LAMC1: variants seen among roughly 807,000 people sequenced by gnomAD.
The protein encoded by LAMC1 is laminin subunit gamma 1.
LAMC1 carries 38 observed loss-of-function variants against 173.6 expected under a neutral mutation model. The ratio of observed to expected loss-of-function variants is 0.22; its 90% CI spans 0.17 to 0.29. LAMC1 has a LOEUF of 0.29. Among genes scored for constraint, LAMC1 ranks in the 10% least tolerant of loss-of-function variants. The pLI is 1.00. For synonymous variants in LAMC1, 746 were observed against 749.1 expected (o/e 1.00, Z 0.07); for missense variants, 1,824 against 2,051.8 (o/e 0.89, Z 2.14).
intron 1 of LAMC1, among the ~76,000 whole-genome samples, chr1:183,024,730 A>G (rs901799320): frequency 2.0e-5 from 3 of 152,228 alleles, no homozygotes; most frequent in African/African-American, 7.2e-5. Context: ...CCACAAAGCG[A>G]TTTGACTGCT....
Position 183,057,488 on chromosome 1 carries a change from C to T in LAMC1, c.418+33354C>T, listed in dbSNP as rs10797827. On this transcript the variant is annotated intron_variant, in intron 1 of 27. Transcript: ENST00000258341. ...TAAAAGTTTGACAGCTGGCCGGGTG[C>T]CGTGGCTTACGCCTGTAATCTCCGC... 2.2e-3 allele frequency among the ~76,000 whole-genome samples: 334 copies of T among 152,300 alleles called. 8 individuals are homozygous for T. The East Asian group carries it at 0.05, about 23-fold the overall frequency.
chr1:183,082,572 A>C (rs946243630), intron 1 of LAMC1, among the ~76,000 whole-genome samples: 1 of 152,176 alleles, frequency 6.6e-6, no homozygotes, highest in Non-Finnish European at 1.5e-5. Context: ...GGGCTTCCCA[A>C]TGTTTTCCCA....
intron 5 of LAMC1, 36 bp downstream of exon 5, chr1:183,114,755 A>G (rs751209720): frequency 6.3e-7 from 1 of 1,595,282 alleles, no homozygotes; most frequent in South Asian, 1.1e-5. Context: ...AGACAAAATG[A>G]TAGTTCCGTG....
chr1:183,114,600 G>C lies in LAMC1; in HGVS notation c.1091G>C (p.Gly364Ala). ...DPELYRSTGH[G>A]GHCTNCQDNT... ...GAACTCTATCGTTCCACTGGCCATGGGGGCCACTGTACCAACTGCCAGGAT... is the reference window on the plus strand; with the variant it reads ...GAACTCTATCGTTCCACTGGCCATGCGGGCCACTGTACCAACTGCCAGGAT... Residue 364 changes from glycine (G) to alanine (A), a missense_variant, in exon 5 of 28, where the codon GGG becomes GCG. Transcript: ENST00000258341. The C allele has an allele frequency of 6.2e-7, 1 of 1,614,136 alleles. No homozygotes were observed. The highest frequency in any genetic ancestry group is 1.1e-5 in the South Asian group (1 of 91,070).
intron 1 of LAMC1, among the ~76,000 whole-genome samples, chr1:183,078,097 A>G (rs963422639): frequency 3.9e-5 from 6 of 152,152 alleles, no homozygotes; most frequent in African/African-American, 1.2e-4. Context: ...GAATTTTATT[A>G]TATTTGATAT....
At chr1:183,107,804 A>C (rs970491750) in intron 2 of LAMC1, among the ~76,000 whole-genome samples, 2 of 152,062 alleles carry the variant, frequency 1.3e-5, no homozygotes, top group East Asian at 1.9e-4. Flanking sequence ...CACTCCAGCC[A>C]GGGCGACAGA....
chr1:183,037,489 T>C (rs1000797170), intron 1 of LAMC1, among the ~76,000 whole-genome samples: 1 of 152,242 alleles, frequency 6.6e-6, no homozygotes, highest in Non-Finnish European at 1.5e-5. Context: ...GCTAACTGAA[T>C]AGGTCTAACC....
chr1:183,057,002 C>G (rs574631718), intron 1 of LAMC1, among the ~76,000 whole-genome samples: 3 of 152,178 alleles, frequency 2.0e-5, no homozygotes, highest in Admixed American at 2.0e-4. Context: ...CTAAGCATCT[C>G]CTGTGTGCAA....
chr1:183,120,812 TGA>T (rs375730949), intron 11 of LAMC1, among the ~76,000 whole-genome samples: 2 of 151,596 alleles, frequency 1.3e-5, no homozygotes, highest in African/African-American at 4.8e-5. Context: ...GAACTTTACT[TGA>T]GAGTTTTTGT....
At chr1:183,046,599 A>G (rs1468804340) in intron 1 of LAMC1, among the ~76,000 whole-genome samples, 1 of 152,016 alleles carries the variant, frequency 6.6e-6, no homozygotes, top group African/African-American at 2.4e-5. Flanking sequence ...TCTGAATTAC[A>G]CTTTCTAACT....
intron 13 of LAMC1, among the ~76,000 whole-genome samples, chr1:183,123,391 C>T (rs1656535008): frequency 6.6e-6 from 1 of 152,200 alleles, no homozygotes; most frequent in African/African-American, 2.4e-5. Context: ...ATGGTCCTTT[C>T]AAAATGTACC....
chr1:183,140,790 G>T, intron 27 of LAMC1: 1 of 197,566 alleles, frequency 5.1e-6, no homozygotes. Flanking sequence ...TTTAGGCTGT[G>T]TTAATGTGAC....
chr1:183,052,999 T>C (rs755736009), intron 1 of LAMC1, among the ~76,000 whole-genome samples: 3 of 152,192 alleles, frequency 2.0e-5, no homozygotes, highest in Non-Finnish European at 4.4e-5. Context: ...AGGGAAGAGA[T>C]GTAAACAACG....
At position 183,145,057 on chromosome 1, in the gene LAMC1, T is replaced by C. The variant is rs945933471; in HGVS notation, c.*2267T>C. On this transcript the variant is annotated 3_prime_UTR_variant, in exon 28 of 28. Coordinates refer to ENST00000258341, the MANE Select transcript of LAMC1 (RefSeq NM_002293.4). ...CATTAAGTGGCTACATCCTAACATA[T>C]GCATTTGGTCAAGGTTGCAGAAGAG... 1 of 152,150 alleles carries C rather than the reference T, an allele frequency of 6.6e-6. No homozygotes were observed. The highest frequency in any genetic ancestry group is 1.5e-5 in the Non-Finnish European group (1 of 68,034). The allele number at this position is 152,150 out of a possible 1,614,324, so 9.4% of individuals were successfully genotyped here. A position where few individuals can be genotyped will look rare whatever the true frequency, so the allele number is the denominator to read the frequency against.
intron 1 of LAMC1, among the ~76,000 whole-genome samples, chr1:183,033,136 A>C (rs1653887100): frequency 6.6e-6 from 1 of 152,364 alleles, no homozygotes; most frequent in Non-Finnish European, 1.5e-5. Context: ...GTGAGGCTTC[A>C]TCATCTAAAA....
chr1:183,104,127 T>C (rs964308431), intron 2 of LAMC1, among the ~76,000 whole-genome samples: 9 of 152,168 alleles, frequency 5.9e-5, no homozygotes, highest in African/African-American at 2.2e-4. Flanking sequence ...AAAATTTTGA[T>C]TAGATTTGTC....
At chr1:183,120,250 G>A (rs1462509046) in intron 11 of LAMC1, among the ~76,000 whole-genome samples, 1 of 150,338 alleles carries the variant, frequency 6.7e-6, no homozygotes, top group Non-Finnish European at 1.5e-5. Context: ...ATTTGAAGTT[G>A]AGTAAGTAAA....
At chr1:183,070,769 T>C (rs1003596250) in intron 1 of LAMC1, among the ~76,000 whole-genome samples, 1 of 152,176 alleles carries the variant, frequency 6.6e-6, no homozygotes. Flanking sequence ...CCCCTTGTAA[T>C]GTCAACCTCG....
intron 1 of LAMC1, among the ~76,000 whole-genome samples, chr1:183,069,670 A>G (rs1654960025): frequency 6.6e-6 from 1 of 152,206 alleles, no homozygotes; most frequent in Non-Finnish European, 1.5e-5. Context: ...TCAGTCCCCC[A>G]ACTTAAAGAA....
Sources: allele counts gnomAD v4.1 joint callset (sites outside exome capture counted in the v4.1 genomes callset), GRCh38; gene constraint gnomAD v4.1.1; transcripts MANE v1.5; gene names NCBI Gene and HGNC (gene_info 2026-07-23, HGNC 2026-07-21).